COA1: variants seen among roughly 807,000 people sequenced by gnomAD.
COA1 encodes the protein cytochrome c oxidase assembly factor 1 homolog.
Under a neutral mutation model 16.0 loss-of-function variants are expected in COA1, and 13 were observed. The ratio of observed to expected loss-of-function variants is 0.81; its 90% confidence interval spans 0.53 to 1.29. The LOEUF (loss-of-function observed/expected upper bound fraction) is 1.29. Among genes scored for constraint, COA1 ranks in the 50% most tolerant of loss-of-function variants. The probability of loss-of-function intolerance (pLI) is 0.00; values close to 1 mark genes in which losing one functional copy is unlikely to be tolerated. For missense variants in COA1, 179 were observed against 177.0 expected (o/e 1.01, Z -0.06); for synonymous variants, 65 against 65.7 (o/e 0.99, Z 0.05).
intron 1 of COA1, among the ~76,000 whole-genome samples, chr7:43,705,216 T>A (rs2131530875): frequency 6.6e-6 from 1 of 152,174 alleles, no homozygotes; most frequent in East Asian, 1.9e-4. Flanking sequence ...GCAACAACAC[T>A]CCGATGGCAG....
chr7:43,690,259 C>T (rs1246501371), intron 1 of COA1, among the ~76,000 whole-genome samples: 2 of 152,074 alleles, frequency 1.3e-5, no homozygotes, highest in Non-Finnish European at 1.5e-5. Context: ...GGTATCTACC[C>T]AGAGGAAAAG....
intron 1 of COA1, among the ~76,000 whole-genome samples, chr7:43,653,048 C>A (rs1429679457): frequency 1.3e-5 from 2 of 152,188 alleles, no homozygotes; most frequent in African/African-American, 2.4e-5. Flanking sequence ...GTATGTGGCT[C>A]ACACCTGTAA....
intron 2 of COA1, chr7:43,648,247 T>C (rs2089978218): frequency 2.6e-6 from 1 of 388,062 alleles, no homozygotes; most frequent in South Asian, 3.9e-5. Context: ...TAATGTGATC[T>C]GGGAAAAGTC....
At chr7:43,649,184 A>T (rs2153101722) in intron 1 of COA1, 1 of 152,470 alleles carries the variant, frequency 6.6e-6, no homozygotes, top group African/African-American at 2.4e-5. Context: ...TAATTCTCAC[A>T]ACCCTTTGAA....
intron 1 of COA1, among the ~76,000 whole-genome samples, chr7:43,653,107 T>G (rs893226141): frequency 6.6e-6 from 1 of 152,014 alleles, no homozygotes; most frequent in Non-Finnish European, 1.5e-5. Flanking sequence ...GGTCAGGAGA[T>G]CGAGACCATC....
intron 1 of COA1, among the ~76,000 whole-genome samples, chr7:43,673,139 TAACAAAAGCAAA>T (rs2093353014): frequency 6.6e-6 from 1 of 152,196 alleles, no homozygotes; most frequent in Non-Finnish European, 1.5e-5. Context: ...AAGGCAATTG[TAACAAAAGCAAA>T]AATTGACAAG....
intron 1 of COA1, among the ~76,000 whole-genome samples, chr7:43,706,174 GA>G (rs375027709): frequency 0.023 from 3,482 of 150,018 alleles, 109 homozygotes; most frequent in African/African-American, 0.077. Flanking sequence ...TACACTACTG[GA>G]AAAAAAAAAT....
chr7:43,704,343 C>G (rs1216695598), intron 1 of COA1, among the ~76,000 whole-genome samples: 1 of 152,110 alleles, frequency 6.6e-6, no homozygotes, highest in African/African-American at 2.4e-5. Context: ...CTCTGAACTT[C>G]CTAAATTTGC....
chr7:43,637,908 CTAAGA>C (rs1185644623), downstream of COA1, among the ~76,000 whole-genome samples: 1 of 152,272 alleles, frequency 6.6e-6, no homozygotes, highest in East Asian at 1.9e-4. Context: ...AATTCAAACA[CTAAGA>C]TAAAGTAAAA....
In COA1 at chr7:43,645,386, C is replaced by G; in HGVS notation, c.129G>C (p.Arg43Ser). 1 of 1,613,972 alleles carries G rather than the reference C, an allele frequency of 6.2e-7. No homozygotes were observed. The highest frequency in any genetic ancestry group is 1.7e-5 in the Admixed American group (1 of 60,016). The change falls in exon 4 of 6, where the codon AGG becomes AGC. Residue 43 changes from arginine to serine, a missense_variant. Arg to Ser is a moderately radical substitution (Grantham distance 110). Transcript: ENST00000223336. ...CCACTGCCAACTTGTAATATAAAGC[C>G]CTGGAATGAAACTCTAAGGACGAAA... is the stretch of plus-strand genomic sequence containing the variant. ...VYYLIQKFHS[R>S]ALYYKLAVEQ...
intron 1 of COA1, among the ~76,000 whole-genome samples, chr7:43,723,547 T>C (rs935125510): frequency 6.6e-6 from 1 of 152,014 alleles, no homozygotes; most frequent in African/African-American, 2.4e-5. Context: ...CTTTTGGAAC[T>C]ATACAAGTTT....
At chr7:43,705,898 C>T (rs552256830) in intron 1 of COA1, among the ~76,000 whole-genome samples, 20 of 152,268 alleles carry the variant, frequency 1.3e-4, no homozygotes, top group Non-Finnish European at 2.1e-4. Flanking sequence ...ACCGACAAAC[C>T]GTGGTGCTTG....
At chr7:43,694,486 CA>C (rs1233937620) in intron 1 of COA1, among the ~76,000 whole-genome samples, 1 of 152,070 alleles carries the variant, frequency 6.6e-6, no homozygotes, top group Non-Finnish European at 1.5e-5. Flanking sequence ...TTGTTAAAAC[CA>C]AAGGTCAATT....
At chr7:43,728,846 AG>A (rs2095676344) in intron 1 of COA1, among the ~76,000 whole-genome samples, 1 of 152,198 alleles carries the variant, frequency 6.6e-6, no homozygotes, top group Admixed American at 6.6e-5. Context: ...GAATCTCCAT[AG>A]ATTTTTTTAA....
chr7:43,706,530 A>G (rs2094982484), intron 1 of COA1, among the ~76,000 whole-genome samples: 1 of 149,134 alleles, frequency 6.7e-6, no homozygotes, highest in African/African-American at 2.5e-5. Context: ...CTGGGTAACA[A>G]AGCAAGAACA....
At chr7:43,640,337 AC>A (rs1199820534) in intron 5 of COA1, among the ~76,000 whole-genome samples, 2 of 152,264 alleles carry the variant, frequency 1.3e-5, no homozygotes, top group African/African-American at 4.8e-5. Context: ...GGAAAGTTTT[AC>A]AAATTCAACG....
chr7:43,692,370 T>C (rs2094399964), intron 1 of COA1, among the ~76,000 whole-genome samples: 1 of 151,958 alleles, frequency 6.6e-6, no homozygotes, highest in East Asian at 1.9e-4. Context: ...AATACAAATC[T>C]TAGCCGGGCA....
At position 43,647,540 on chromosome 7, in the gene COA1, A is replaced by C. The variant is rs886474143; in HGVS notation, c.110T>G (p.Ile37Ser). 1 of 1,611,484 alleles carries C rather than the reference A, an allele frequency of 6.2e-7. No individual in the cohort carries two copies. The highest frequency in any genetic ancestry group is 8.5e-7 in the Non-Finnish European group (1 of 1,177,514). Residue 37 changes from isoleucine (I) to serine (S), a missense_variant, in exon 3 of 6, where the codon ATT (isoleucine) becomes AGT (serine). Ile to Ser is a moderately radical substitution (Grantham distance 142). Coordinates refer to ENST00000223336, the MANE Select transcript of COA1 (RefSeq NM_018224.4). ...AGGFAIVYYL[I>S]QKFHSRALYY... ...GCGGCTAGCAGGATACTTACTTTGA[A>C]TGAGGTAATACACAATGGCAAAGCC...
chr7:43,666,911 A>T (rs2092927351), intron 1 of COA1, among the ~76,000 whole-genome samples: 1 of 152,242 alleles, frequency 6.6e-6, no homozygotes, highest in African/African-American at 2.4e-5. Flanking sequence ...TCTTTTCACA[A>T]ATTGGACATT....
Sources: gnomAD v4.1 joint callset for allele counts (sites outside exome capture counted in the v4.1 genomes callset) on GRCh38, gnomAD v4.1.1 for gene constraint, MANE v1.5 for transcripts, NCBI Gene and HGNC (gene_info 2026-07-23, HGNC 2026-07-21) for gene names.